Variants in CRACD observed in about 807,000 individuals in gnomAD.
The protein encoded by CRACD is capping protein inhibiting regulator of actin dynamics.
CRACD carries 56 observed loss-of-function variants against 106.8 expected under a neutral mutation model. The observed-to-expected ratio is 0.52, with a 90% CI of 0.42 to 0.66. The LOEUF (loss-of-function observed/expected upper bound fraction) is 0.66. CRACD is among the 30% of genes least tolerant of loss of function. CRACD has a pLI of 0.00. For synonymous variants in CRACD, 754 were observed against 670.8 expected, an observed-to-expected ratio of 1.12 and a Z score of -1.92; for missense variants, 1,730 against 1,623.2, an observed-to-expected ratio of 1.07 and a Z score of -1.13.
chr4:56,242,952 C>T (rs1310430934), intron 2 of CRACD, among the ~76,000 whole-genome samples: 7 of 152,146 alleles, frequency 4.6e-5, no homozygotes, highest in East Asian at 1.9e-4. Flanking sequence ...ACCCCTAGAG[C>T]GCATGAGCCG....
At chr4:56,231,912 T>G (rs926399653) in intron 2 of CRACD, among the ~76,000 whole-genome samples, 1 of 152,212 alleles carries the variant, frequency 6.6e-6, no homozygotes, top group East Asian at 1.9e-4. Flanking sequence ...GACCTTCCAA[T>G]GATTAAGTCA....
At chr4:56,208,150 G>C (rs1483323868) in intron 2 of CRACD, among the ~76,000 whole-genome samples, 1 of 152,030 alleles carries the variant, frequency 6.6e-6, no homozygotes, top group Non-Finnish European at 1.5e-5. Flanking sequence ...GGAAAAAGCT[G>C]TTCATGTCTG....
At chr4:56,154,839 G>A (rs967310267) in intron 1 of CRACD, among the ~76,000 whole-genome samples, 1 of 152,004 alleles carries the variant, frequency 6.6e-6, no homozygotes, top group Non-Finnish European at 1.5e-5. Context: ...AAAAGAAGCA[G>A]CAATAAAGAA....
intron 2 of CRACD, among the ~76,000 whole-genome samples, chr4:56,220,834 C>T (rs1411401083): frequency 1.3e-5 from 2 of 152,096 alleles, no homozygotes; most frequent in Non-Finnish European, 2.9e-5. Context: ...GGAGCACAGT[C>T]CCTGGTAGTT....
At chr4:56,301,355 G>A (rs867148966) in intron 4 of CRACD, 6 of 601,504 alleles carry the variant, frequency 1.0e-5, no homozygotes, top group African/African-American at 5.8e-5. Flanking sequence ...CTAAGAGACC[G>A]CCCCCTTGTA....
At chr4:56,326,853 C>T (rs1746482002) in intron 10 of CRACD, among the ~76,000 whole-genome samples, 1 of 151,772 alleles carries the variant, frequency 6.6e-6, no homozygotes, top group South Asian at 2.1e-4. Flanking sequence ...GATTCTCCTG[C>T]CTCAACCTCC....
Position 56,328,996 on chromosome 4 carries a change from A to G in CRACD, c.*1192A>G, listed in dbSNP as rs140812452. On this transcript the variant is annotated 3_prime_UTR_variant, in exon 11 of 11. Transcript: ENST00000682029. Reference sequence around the variant, plus strand: ...GTCTTTTCTTTACTATAATTGAGTAATTCATATTTAGAGTCACATGTCCAG... The same window carrying G: ...GTCTTTTCTTTACTATAATTGAGTAGTTCATATTTAGAGTCACATGTCCAG... 6.6e-6 allele frequency among the ~76,000 whole-genome samples: 1 copy of G among 152,326 alleles called. No individual in the cohort carries two copies. The highest frequency in any genetic ancestry group is 1.9e-4 in the East Asian group (1 of 5,184).
intron 2 of CRACD, among the ~76,000 whole-genome samples, chr4:56,268,372 A>G (rs1411500505): frequency 1.3e-5 from 2 of 152,150 alleles, no homozygotes; most frequent in East Asian, 3.9e-4. Context: ...CATAATTGAT[A>G]TTCTTATAAT....
intron 8 of CRACD, among the ~76,000 whole-genome samples, chr4:56,320,116 G>A (rs1307593786): frequency 6.7e-6 from 1 of 150,218 alleles, no homozygotes; most frequent in Middle Eastern, 3.2e-3. Flanking sequence ...AGGTTGCAGT[G>A]AGCAGAGATT....
At chr4:56,096,783 A>G (rs987706192) in intron 1 of CRACD, among the ~76,000 whole-genome samples, 1 of 152,218 alleles carries the variant, frequency 6.6e-6, no homozygotes, top group African/African-American at 2.4e-5. Flanking sequence ...AGTGGTGGTG[A>G]CAGATGGCCT....
At chr4:56,111,267 G>A (rs1481514842) in intron 1 of CRACD, among the ~76,000 whole-genome samples, 4 of 152,044 alleles carry the variant, frequency 2.6e-5, no homozygotes, top group Non-Finnish European at 4.4e-5. Flanking sequence ...CTCAAAAATC[G>A]AGAGTTGCAA....
chr4:56,117,631 C>T (rs895738159), intron 1 of CRACD, among the ~76,000 whole-genome samples: 1 of 151,998 alleles, frequency 6.6e-6, no homozygotes, highest in Admixed American at 6.6e-5. Context: ...GCATCATGGA[C>T]GTGTTTAATA....
In CRACD at chr4:56,315,581, CGGT is replaced by C; in HGVS notation, c.2081_2083del (p.Gly694del). ...GCAGCGAGAGGGACCAGTTGAGGCC[CGGT>C]GATGAGTCCACTCCCAGGGGCCGGT... On this transcript the variant is annotated inframe_deletion, in exon 8 of 11. Transcript: ENST00000682029. This position sits in a 1 kb window ranked among gnomAD's most constrained non-coding sequence, Gnocchi z 4.1. The C allele has an allele frequency of 6.2e-7, 1 of 1,614,108 alleles. No homozygotes were observed. Among genetic ancestry groups the C allele is most frequent in the East Asian group, 2.2e-5 (1 of 44,842 alleles).
At chr4:56,289,335 G>C (rs1224294929) in intron 3 of CRACD, among the ~76,000 whole-genome samples, 1 of 152,070 alleles carries the variant, frequency 6.6e-6, no homozygotes, top group Non-Finnish European at 1.5e-5. Context: ...AAAAATTTAT[G>C]GCTGCTGGGA....
chr4:56,325,061 A>G (rs1321441059), intron 10 of CRACD, among the ~76,000 whole-genome samples: 2 of 152,186 alleles, frequency 1.3e-5, no homozygotes, highest in East Asian at 3.9e-4. Flanking sequence ...TGGGCCAGGT[A>G]TGGTGGCTCA....
intron 1 of CRACD, among the ~76,000 whole-genome samples, chr4:56,051,343 C>T (rs1024768682): frequency 6.6e-6 from 1 of 152,198 alleles, no homozygotes; most frequent in African/African-American, 2.4e-5. Flanking sequence ...TTGATGAAAG[C>T]TTGGTGACCT....
intron 2 of CRACD, among the ~76,000 whole-genome samples, chr4:56,201,543 C>T (rs373973041): frequency 2.0e-4 from 30 of 152,076 alleles, no homozygotes; most frequent in Middle Eastern, 6.8e-3. Context: ...GAGGGAACAA[C>T]AAGAGAAAGA....
chr4:56,264,598 A>G (rs1209499088), intron 2 of CRACD, among the ~76,000 whole-genome samples: 2 of 152,204 alleles, frequency 1.3e-5, no homozygotes, highest in East Asian at 3.8e-4. Context: ...CTTTACAAAC[A>G]ATTTGTGCAG....
chr4:56,232,594 A>G (rs1358156933), intron 2 of CRACD, among the ~76,000 whole-genome samples: 1 of 152,212 alleles, frequency 6.6e-6, no homozygotes, highest in African/African-American at 2.4e-5. Flanking sequence ...CGTCAGCAGT[A>G]TATAAGGTCC....
Sources: allele counts gnomAD v4.1 joint callset (sites outside exome capture counted in the v4.1 genomes callset), GRCh38; gene constraint gnomAD v4.1.1; non-coding constraint Gnocchi (gnomAD v3.1); transcripts MANE v1.5; gene names NCBI Gene and HGNC (gene_info 2026-07-23, HGNC 2026-07-21).